PGR: variants seen among roughly 807,000 people sequenced by gnomAD.
PGR encodes progesterone receptor.
In PGR, 25 loss-of-function variants were observed where a neutral mutation model predicts 76.1. The observed-to-expected ratio is 0.33, with a 90% CI of 0.24 to 0.46. The LOEUF (loss-of-function observed/expected upper bound fraction) is 0.46, where lower values mean the gene tolerates loss of function less well. Ranked by LOEUF, PGR falls within the 20% of genes least tolerant of loss-of-function variation. PGR has a pLI of 1.00. For synonymous variants in PGR, 579 were observed against 535.0 expected, an observed-to-expected ratio of 1.08 and a Z score of -1.14; for missense variants, 1,172 against 1,225.3, an observed-to-expected ratio of 0.96 and a Z score of 0.65.
intron 2 of PGR, among the ~76,000 whole-genome samples, chr11:101,109,653 A>G (rs970692352): frequency 6.6e-6 from 1 of 152,218 alleles, no homozygotes; most frequent in Non-Finnish European, 1.5e-5. Flanking sequence ...CCATAACACA[A>G]AAGTACAAGG....
chr11:101,120,225 C>G (rs952270437), intron 2 of PGR, among the ~76,000 whole-genome samples: 3 of 152,138 alleles, frequency 2.0e-5, no homozygotes, highest in African/African-American at 7.2e-5. Context: ...TTTTCTTCTT[C>G]TTGGTTTTGT....
intron 2 of PGR, among the ~76,000 whole-genome samples, chr11:101,114,350 G>T (rs78417761): frequency 0.019 from 2,923 of 152,110 alleles, 75 homozygotes; most frequent in African/African-American, 0.068. Flanking sequence ...ATTATTTTTG[G>T]TATAAATTAA....
chr11:101,070,060 T>C (rs1197259219), intron 3 of PGR, among the ~76,000 whole-genome samples: 4 of 146,540 alleles, frequency 2.7e-5, no homozygotes, highest in South Asian at 4.4e-4. Flanking sequence ...ATAGCTCCGG[T>C]CTGTAGCTCC....
chr11:101,092,527 A>G (rs1365296256), intron 2 of PGR, among the ~76,000 whole-genome samples: 1 of 152,228 alleles, frequency 6.6e-6, no homozygotes, highest in Non-Finnish European at 1.5e-5. Context: ...AGTACTCAAT[A>G]AAGAGGAGAA....
intron 6 of PGR, among the ~76,000 whole-genome samples, chr11:101,047,038 G>GT (rs944867390): frequency 2.0e-5 from 3 of 152,250 alleles, no homozygotes; most frequent in South Asian, 4.1e-4. Context: ...TGTGGAAAGC[G>GT]TAAGTACTAT....
At chr11:101,123,077 C>A (rs1186798024) in intron 2 of PGR, among the ~76,000 whole-genome samples, 1 of 152,136 alleles carries the variant, frequency 6.6e-6, no homozygotes, top group African/African-American at 2.4e-5. Flanking sequence ...TGGATTCATA[C>A]CACCTGGATT....
At chr11:101,122,959 G>A (rs502471) in intron 2 of PGR, among the ~76,000 whole-genome samples, 17,828 of 152,082 alleles carry the variant, frequency 0.12, 1,361 homozygotes, top group Non-Finnish European at 0.16. Context: ...TACCTTCCTA[G>A]ATGTTTCATC....
intron 4 of PGR, among the ~76,000 whole-genome samples, chr11:101,056,734 G>A (rs533608405): frequency 3.0e-4 from 45 of 151,786 alleles, no homozygotes; most frequent in African/African-American, 1.1e-3. Context: ...GTAGGTTTTG[G>A]TTCTGTAAAA....
At position 101,050,057 on chromosome 11, in the gene PGR, T is replaced by C; in HGVS notation, c.2360A>G (p.Gln787Arg). The C allele has an allele frequency of 1.2e-6, 2 of 1,612,424 alleles. No individual in the cohort carries two copies. The highest frequency in any genetic ancestry group is 1.1e-5 in the South Asian group (1 of 91,048). Residue 787 changes from glutamine (Q) to arginine (R), a missense_variant and splice_region_variant, in exon 6 of 8, where the codon CAG becomes CGG. By Grantham distance (43) the Gln-to-Arg change is conservative. Coordinates refer to ENST00000325455, the MANE Select transcript of PGR (RefSeq NM_000926.4). ...ATAGAATGATGATTCTTTCATCCGC[T>C]GTCTTGCATCACACACAATACACAA... The part of the protein sequence containing the change: ...YFAPDLILNE[Q>R]RMKESSFYSL...
At chr11:101,046,537 CA>C (rs1343995257) in intron 6 of PGR, among the ~76,000 whole-genome samples, 3 of 151,716 alleles carry the variant, frequency 2.0e-5, no homozygotes, top group Admixed American at 6.6e-5. Flanking sequence ...TATTTAATGG[CA>C]AATGAGAGGT....
At position 101,029,946 on chromosome 11, in the gene PGR, C is replaced by T. The variant is rs1859298306; in HGVS notation, c.*9170G>A. The T allele has an allele frequency of 4.4e-6, 1 of 225,258 alleles. No individual in the cohort carries two copies. Among genetic ancestry groups the T allele is most frequent in the Non-Finnish European group, 8.8e-6 (1 of 113,176 alleles). 14.0% of individuals were successfully genotyped at this position (225,258 alleles called of 1,614,324 possible). A position where few individuals can be genotyped will look rare whatever the true frequency, so the allele number is the denominator to read the frequency against. On this transcript the variant is annotated 3_prime_UTR_variant, in exon 8 of 8. Transcript: ENST00000325455. ...CACCCCATCACTGCCAGGGACCCAGCCCCAGGCATACACAGATGAAAGGAC... is the reference window on the plus strand; with the variant it reads ...CACCCCATCACTGCCAGGGACCCAGTCCCAGGCATACACAGATGAAAGGAC...
chr11:101,080,876 A>T (rs967563159), intron 3 of PGR, among the ~76,000 whole-genome samples: 3 of 152,108 alleles, frequency 2.0e-5, no homozygotes, highest in Admixed American at 6.5e-5. Context: ...CAGAAGAAAA[A>T]ATTTTAAAGC....
chr11:101,081,982 G>A (rs139133624), intron 3 of PGR, among the ~76,000 whole-genome samples: 2 of 152,304 alleles, frequency 1.3e-5, no homozygotes, highest in African/African-American at 2.4e-5. Context: ...ATCTCACGTT[G>A]AATTTTAATT....
intron 3 of PGR, among the ~76,000 whole-genome samples, chr11:101,076,896 AT>A (rs1446667064): frequency 1.4e-5 from 1 of 69,996 alleles, no homozygotes; most frequent in East Asian, 2.2e-4. Context: ...TATCTTTACT[AT>A]TTTTTTAAAA....
intron 3 of PGR, among the ~76,000 whole-genome samples, chr11:101,073,634 A>G (rs1861021760): frequency 6.6e-6 from 1 of 152,220 alleles, no homozygotes; most frequent in Non-Finnish European, 1.5e-5. Flanking sequence ...CACAATAAAA[A>G]ATGATAAAGG....
rs1363286166 is a variant in PGR at position 101,033,623 on chromosome 11, AAC to A, written c.*5491_*5492del. 1 of 199,398 alleles carries A rather than the reference AAC, an allele frequency of 5.0e-6. No homozygotes were observed. The highest frequency in any genetic ancestry group is 2.3e-5 in the African/African-American group (1 of 43,550). 12.4% of individuals were successfully genotyped at this position (199,398 alleles called of 1,614,324 possible). Reference sequence around the variant, plus strand: ...TCTTTGAATAACAAAACATTAAGAAAACACAATAACTATTTCTTAATAGAAGT... The same window carrying A: ...TCTTTGAATAACAAAACATTAAGAAAACAATAACTATTTCTTAATAGAAGT... On this transcript the variant is annotated 3_prime_UTR_variant, in exon 8 of 8. Transcript: ENST00000325455.
chr11:101,068,899 T>C (rs538066636), intron 3 of PGR, among the ~76,000 whole-genome samples: 1 of 152,168 alleles, frequency 6.6e-6, no homozygotes, highest in Non-Finnish European at 1.5e-5. Context: ...ACATAAGACC[T>C]AAAACCATAA....
At chr11:101,078,332 T>A (rs1861191347) in intron 3 of PGR, among the ~76,000 whole-genome samples, 2 of 152,152 alleles carry the variant, frequency 1.3e-5, no homozygotes, top group African/African-American at 4.8e-5. Flanking sequence ...TTTAAAAAAT[T>A]TCAAAGAAGA....
At chr11:101,118,826 C>T (rs920106611) in intron 2 of PGR, among the ~76,000 whole-genome samples, 3 of 152,134 alleles carry the variant, frequency 2.0e-5, no homozygotes, top group Admixed American at 6.5e-5. Flanking sequence ...TTGTGTTCAT[C>T]GGCCTCTCCT....
Sources: allele counts gnomAD v4.1 joint callset (sites outside exome capture counted in the v4.1 genomes callset), GRCh38; gene constraint gnomAD v4.1.1; transcripts MANE v1.5; gene names NCBI Gene and HGNC (gene_info 2026-07-23, HGNC 2026-07-21).